MGAT4C: variants seen among roughly 807,000 people sequenced by gnomAD.
The protein encoded by MGAT4C is alpha-1,3-mannosyl-glycoprotein 4-beta-N-acetylglucosaminyltransferase C.
A neutral mutation model predicts 40.1 loss-of-function variants in MGAT4C; 19 were observed. The ratio of observed to expected loss-of-function variants is 0.47; its 90% CI spans 0.33 to 0.70. The LOEUF is 0.70. MGAT4C is among the 30% of genes least tolerant of loss of function. MGAT4C has a pLI of 0.02. For synonymous variants in MGAT4C, 181 were observed against 187.1 expected (o/e 0.97, Z 0.27); for missense variants, 491 against 563.2 (o/e 0.87, Z 1.30).
At chr12:86,194,159 A>C (rs1889837757) in intron 1 of MGAT4C, among the ~76,000 whole-genome samples, 1 of 152,270 alleles carries the variant, frequency 6.6e-6, no homozygotes, top group African/African-American at 2.4e-5. Flanking sequence ...TTCTAGAATT[A>C]CCATGTGATT....
intron 2 of MGAT4C, among the ~76,000 whole-genome samples, chr12:86,558,932 TA>T (rs1280027760): frequency 4.6e-5 from 7 of 151,762 alleles, no homozygotes; most frequent in African/African-American, 1.7e-4. Flanking sequence ...ACAGAATGGA[TA>T]AAAAACAATG....
intron 1 of MGAT4C, among the ~76,000 whole-genome samples, chr12:86,223,200 C>A (rs550192318): frequency 4.6e-5 from 7 of 152,330 alleles, no homozygotes; most frequent in African/African-American, 1.7e-4. Context: ...AGCATTGCTG[C>A]CGAGGGTTGT....
chr12:86,541,342 C>A (rs753731656), intron 2 of MGAT4C, among the ~76,000 whole-genome samples: 1 of 152,066 alleles, frequency 6.6e-6, no homozygotes, highest in Non-Finnish European at 1.5e-5. Flanking sequence ...GAAGTCAGAG[C>A]AACATAAAAT....
chr12:86,488,854 C>CA (rs920855517), intron 2 of MGAT4C, among the ~76,000 whole-genome samples: 9 of 151,558 alleles, frequency 5.9e-5, no homozygotes, highest in Admixed American at 1.3e-4. Context: ...ATTTCAACAG[C>CA]AAAAAAAATG....
At chr12:86,337,871 A>C (rs749377614) in intron 3 of MGAT4C, among the ~76,000 whole-genome samples, 26 of 152,192 alleles carry the variant, frequency 1.7e-4, no homozygotes, top group Non-Finnish European at 3.5e-4. Context: ...TATGTTGTAG[A>C]AGTCTTTGTA....
At chr12:86,043,761 G>A (rs1892109388) in intron 2 of MGAT4C, among the ~76,000 whole-genome samples, 1 of 152,222 alleles carries the variant, frequency 6.6e-6, no homozygotes, top group South Asian at 2.1e-4. Context: ...ATGTCAATGA[G>A]TCAATAAATT....
At chr12:86,518,914 T>C (rs540196450) in intron 2 of MGAT4C, among the ~76,000 whole-genome samples, 52 of 152,224 alleles carry the variant, frequency 3.4e-4, no homozygotes, top group African/African-American at 1.3e-3. Flanking sequence ...AATAAAATAG[T>C]GTGCCACTGA....
At chr12:86,838,644 A>C (rs899904843) in intron 1 of MGAT4C, 10 of 152,154 alleles carry the variant, frequency 6.6e-5, no homozygotes, top group African/African-American at 2.4e-4. Flanking sequence ...GAGGGTAATG[A>C]ATTGAGAAAA....
intron 2 of MGAT4C, among the ~76,000 whole-genome samples, chr12:86,463,539 ACTC>A (rs1957633112): frequency 6.6e-6 from 1 of 151,680 alleles, no homozygotes; most frequent in Non-Finnish European, 1.5e-5. Flanking sequence ...ATCTTTGTAA[ACTC>A]CTATTCATGC....
At chr12:86,247,074 T>C (rs1418727209) in intron 1 of MGAT4C, among the ~76,000 whole-genome samples, 1 of 152,204 alleles carries the variant, frequency 6.6e-6, no homozygotes, top group South Asian at 2.1e-4. Flanking sequence ...CCTTCAACTA[T>C]CTGTGTGTTA....
At chr12:86,659,899 G>A (rs1350405327) in intron 2 of MGAT4C, among the ~76,000 whole-genome samples, 1 of 151,338 alleles carries the variant, frequency 6.6e-6, no homozygotes, top group African/African-American at 2.4e-5. Flanking sequence ...ATTAAATGCT[G>A]GTCTCTATAA....
At chr12:86,594,478 G>A (rs191936744) in intron 2 of MGAT4C, among the ~76,000 whole-genome samples, 1 of 152,240 alleles carries the variant, frequency 6.6e-6, no homozygotes, top group Admixed American at 6.5e-5. Context: ...CATGCTAAAA[G>A]TGGAATTCTC....
At chr12:86,491,208 C>T (rs529849740) in intron 2 of MGAT4C, among the ~76,000 whole-genome samples, 2 of 152,146 alleles carry the variant, frequency 1.3e-5, no homozygotes, top group Non-Finnish European at 2.9e-5. Context: ...CCGAATGCTA[C>T]CAGAGGTAAA....
chr12:86,108,687 T>G (rs2135628988), intron 1 of MGAT4C, among the ~76,000 whole-genome samples: 1 of 152,282 alleles, frequency 6.6e-6, no homozygotes, highest in Admixed American at 6.5e-5. Context: ...TTGTAGTATA[T>G]TTAAATGTTA....
intron 2 of MGAT4C, among the ~76,000 whole-genome samples, chr12:86,455,961 CTTAAATA>C (rs1957504266): frequency 6.6e-6 from 1 of 151,932 alleles, no homozygotes; most frequent in Non-Finnish European, 1.5e-5. Flanking sequence ...GATAAATCTT[CTTAAATA>C]TTAAAGAATA....
upstream of MGAT4C, among the ~76,000 whole-genome samples, chr12:86,258,284 AATCTATCT>A (rs10534958): frequency 0.023 from 3,382 of 146,708 alleles, 56 homozygotes; most frequent in African/African-American, 0.039. Flanking sequence ...AACAGGATAT[AATCTATCT>A]ATCTATCTAT....
chr12:86,429,504 A>G (rs1956992870), intron 3 of MGAT4C, among the ~76,000 whole-genome samples: 1 of 152,112 alleles, frequency 6.6e-6, no homozygotes, highest in African/African-American at 2.4e-5. Flanking sequence ...TTCAAGTCCA[A>G]TGTTTCCTTA....
At position 86,319,583 on chromosome 12, in the gene MGAT4C, T is replaced by A. The variant is rs1279141731; in HGVS notation, c.-57+14482A>T. ...TTATTTCTGTCAAGAATGGTAATAC[T>A]TGTTTGCTTTTCTCTCTTCTTCCAT... On this transcript the variant is annotated intron_variant, in intron 4 of 7. Transcript: ENST00000548651. 2.0e-5 allele frequency among the ~76,000 whole-genome samples: 3 copies of A among 152,204 alleles called. No homozygotes were observed. In the East Asian group the frequency reaches 5.8e-4, roughly 29 times the overall value.
At chr12:86,668,067 T>C (rs535128083) in intron 2 of MGAT4C, among the ~76,000 whole-genome samples, 1 of 152,370 alleles carries the variant, frequency 6.6e-6, no homozygotes, top group South Asian at 2.1e-4. Context: ...TTAAATTACA[T>C]TGATAGATTG....
Sources: allele counts gnomAD v4.1 joint callset (sites outside exome capture counted in the v4.1 genomes callset), GRCh38; gene constraint gnomAD v4.1.1; transcripts MANE v1.5; gene names NCBI Gene and HGNC (gene_info 2026-07-23, HGNC 2026-07-21).